COL4A6: variants seen among roughly 807,000 people sequenced by gnomAD.
COL4A6 encodes collagen type IV alpha 6 chain, also known as collagen alpha-6(IV) chain.
A neutral mutation model predicts 126.7 loss-of-function variants in COL4A6; 59 were observed. The observed-to-expected ratio is 0.47, with a 90% CI of 0.38 to 0.58. The LOEUF is 0.58. COL4A6 is among the 20% of genes least tolerant of loss of function. The pLI is 0.00. For synonymous variants in COL4A6, 547 were observed against 496.6 expected, an observed-to-expected ratio of 1.10 and a Z score of -1.35; for missense variants, 1,285 against 1,337.3, an observed-to-expected ratio of 0.96 and a Z score of 0.61.
chrX:108,317,646 G>C (rs1213797712), intron 2 of COL4A6, among the ~76,000 whole-genome samples: 1 of 110,986 alleles, frequency 9.0e-6, no homozygotes, highest in African/African-American at 3.3e-5. Context: ...TTCTACATAC[G>C]GCTAGCCAGT....
intron 3 of COL4A6, among the ~76,000 whole-genome samples, chrX:108,229,294 G>A (rs947935920): frequency 8.9e-6 from 1 of 112,268 alleles, no homozygotes; most frequent in African/African-American, 3.2e-5. Context: ...CTTCACCACC[G>A]TAGGACTTTG....
At chrX:108,188,112 G>T in intron 21 of COL4A6, 85 bp from the exon 22 acceptor site, 2 of 792,958 alleles carry the variant, frequency 2.5e-6, no homozygotes, top group Non-Finnish European at 3.6e-6. Context: ...ACTTAGAGCA[G>T]AACCTTGGGT....
At chrX:108,165,770 T>G (rs2034111275) in intron 37 of COL4A6, among the ~76,000 whole-genome samples, 1 of 111,902 alleles carries the variant, frequency 8.9e-6, no homozygotes, top group Admixed American at 9.4e-5. Flanking sequence ...TAGGCCAACT[T>G]CCCCCACACC....
intron 2 of COL4A6, among the ~76,000 whole-genome samples, chrX:108,314,243 C>T (rs907978697): frequency 1.1e-3 from 120 of 111,488 alleles, no homozygotes; most frequent in Middle Eastern, 4.6e-3. Context: ...CTGGGGTGTA[C>T]TTTTGTTAAG....
At position 108,170,606 on chromosome X, in the gene COL4A6, T is replaced by C; in HGVS notation, c.3493+3A>G. On this transcript the variant is annotated splice_donor_region_variant and intron_variant, in intron 35 of 44. Coordinates refer to ENST00000334504, the MANE Select transcript of COL4A6 (RefSeq NM_033641.4). Reference sequence around the variant, plus strand: ...CCCACTGCCTGCTCCCAAATACACATACCTTTGGGTCCTATTAATCCGGGG... The same window carrying C: ...CCCACTGCCTGCTCCCAAATACACACACCTTTGGGTCCTATTAATCCGGGG... The C allele has an allele frequency of 1.7e-6, 2 of 1,193,482 alleles. No individual in the cohort carries two copies. The highest frequency in any genetic ancestry group is 2.3e-6 in the Non-Finnish European group (2 of 883,760).
At chrX:108,185,528 C>T (rs2034835306) in intron 23 of COL4A6, among the ~76,000 whole-genome samples, 1 of 111,672 alleles carries the variant, frequency 9.0e-6, no homozygotes, top group Admixed American at 9.5e-5. Flanking sequence ...CACCGATTCA[C>T]AAAAATAGAT....
chrX:108,390,556 T>A (rs1391807615), intron 2 of COL4A6, among the ~76,000 whole-genome samples: 1 of 109,339 alleles, frequency 9.1e-6, no homozygotes, highest in African/African-American at 3.3e-5. Context: ...CACAAAGTTC[T>A]CATGTTGTGT....
intron 2 of COL4A6, among the ~76,000 whole-genome samples, chrX:108,317,908 C>T (rs1374750205): frequency 5.4e-5 from 6 of 110,748 alleles, no homozygotes; most frequent in East Asian, 2.8e-4. Flanking sequence ...CTTGGTGATG[C>T]GGGCTCTTTT....
intron 2 of COL4A6, among the ~76,000 whole-genome samples, chrX:108,372,836 C>T (rs925750413): frequency 4.5e-5 from 5 of 111,803 alleles, no homozygotes; most frequent in Admixed American, 2.8e-4. Flanking sequence ...TCAAATCAAC[C>T]CTATTTAGTA....
intron 42 of COL4A6, 122 bp from the exon 43 acceptor site, chrX:108,160,776 C>G (rs1275317749): frequency 6.3e-6 from 4 of 633,705 alleles, no homozygotes; most frequent in Non-Finnish European, 8.9e-6. Flanking sequence ...TCAATCCTCA[C>G]GATGACCCTG....
intron 2 of COL4A6, among the ~76,000 whole-genome samples, chrX:108,314,895 C>G (rs12560112): frequency 0.095 from 10,626 of 111,321 alleles, 579 homozygotes; most frequent in East Asian, 0.32. Context: ...TAAGTGTCAG[C>G]TATTATTATT....
chrX:108,231,095 AC>A (rs1476377997), intron 3 of COL4A6, among the ~76,000 whole-genome samples: 1 of 110,040 alleles, frequency 9.1e-6, no homozygotes, highest in Non-Finnish European at 1.9e-5. Context: ...ATACATACAT[AC>A]ATACATACAT....
chrX:108,308,852 A>G (rs1017193563), intron 3 of COL4A6, among the ~76,000 whole-genome samples: 1 of 111,830 alleles, frequency 8.9e-6, no homozygotes, highest in Admixed American at 9.5e-5. Context: ...GCTAGTATCT[A>G]TGCTTGAACA....
intron 13 of COL4A6, among the ~76,000 whole-genome samples, chrX:108,201,442 T>C (rs763202216): frequency 8.9e-6 from 1 of 111,980 alleles, no homozygotes; most frequent in Non-Finnish European, 1.9e-5. Flanking sequence ...TATAAGACAA[T>C]CAAAAATTTG....
Position 108,170,120 on chromosome X carries a change from A to AG in COL4A6, c.3494-105_3494-104insC, listed in dbSNP as rs2034257763. Reference sequence around the variant, plus strand: ...AAAGGCATTGCGAGGTCCTTATTTTAAAGTCCTGGTCTTTTTTGAGGCATT... The same window carrying AG: ...AAAGGCATTGCGAGGTCCTTATTTTAGAAGTCCTGGTCTTTTTTGAGGCATT... On this transcript the variant is annotated intron_variant, in intron 35 of 44. Coordinates refer to ENST00000334504, the MANE Select transcript of COL4A6 (RefSeq NM_033641.4). The AG allele has an allele frequency of 4.4e-6, 3 of 686,784 alleles. No homozygotes were observed. The East Asian group carries it at 1.1e-4, about 24-fold the overall frequency. The allele number at this position is 686,784 out of a possible 1,213,427, so 56.6% of individuals were successfully genotyped here.
chrX:108,230,308 A>G (rs1216872217), intron 3 of COL4A6, among the ~76,000 whole-genome samples: 1 of 111,915 alleles, frequency 8.9e-6, no homozygotes, highest in Non-Finnish European at 1.9e-5. Flanking sequence ...ATGAAAATAG[A>G]GAATTAAATA....
At chrX:108,308,131 C>T (rs2038670584) in intron 3 of COL4A6, among the ~76,000 whole-genome samples, 1 of 111,631 alleles carries the variant, frequency 9.0e-6, no homozygotes, top group South Asian at 3.8e-4. Context: ...CCTCCATCCC[C>T]TCAGCCACTC....
At chrX:108,204,709 C>T (rs1199704715) in intron 11 of COL4A6, among the ~76,000 whole-genome samples, 4 of 111,639 alleles carry the variant, frequency 3.6e-5, no homozygotes, top group East Asian at 2.8e-4. Flanking sequence ...GGAATCAGAA[C>T]GAGGTGAATG....
intron 2 of COL4A6, among the ~76,000 whole-genome samples, chrX:108,425,167 ATGTGTGTG>A (rs3081000): frequency 2.7e-3 from 244 of 89,190 alleles, no homozygotes; most frequent in East Asian, 0.015. Flanking sequence ...AGTTAACTGT[ATGTGTGTG>A]TGTGTGTGTG....
Sources: allele counts gnomAD v4.1 joint callset (sites outside exome capture counted in the v4.1 genomes callset), GRCh38; gene constraint gnomAD v4.1.1; transcripts MANE v1.5; gene names NCBI Gene and HGNC (gene_info 2026-07-23, HGNC 2026-07-21).